The following THSD7B variants were observed in gnomAD, a reference collection of about 807,000 sequenced individuals.
THSD7B encodes the protein thrombospondin type 1 domain containing 7B, also known as thrombospondin type-1 domain-containing protein 7B.
THSD7B carries 138 observed loss-of-function variants against 213.6 expected under a neutral mutation model. That is an observed-to-expected ratio of 0.65 (90% CI 0.56 to 0.74). The LOEUF (loss-of-function observed/expected upper bound fraction) is 0.74. Ranked by LOEUF, THSD7B falls within the 30% of genes least tolerant of loss-of-function variation. THSD7B has a pLI of 0.00. For missense variants in THSD7B, 1,931 were observed against 1,991.5 expected (o/e 0.97, Z 0.58); for synonymous variants, 742 against 687.0 (o/e 1.08, Z -1.25).
At chr2:137,407,124 C>T (rs1242765205) in intron 13 of THSD7B, among the ~76,000 whole-genome samples, 3 of 152,046 alleles carry the variant, frequency 2.0e-5, no homozygotes, top group African/African-American at 7.2e-5. Context: ...TTTACACCTA[C>T]ATAATGAAAA....
chr2:137,212,934 G>T (rs1192817607), intron 7 of THSD7B, among the ~76,000 whole-genome samples: 1 of 149,184 alleles, frequency 6.7e-6, no homozygotes, highest in Non-Finnish European at 1.5e-5. Flanking sequence ...CTGGATAAAA[G>T]TTCAAGGACA....
intron 4 of THSD7B, among the ~76,000 whole-genome samples, chr2:137,111,949 C>CAGAGTTGGG: frequency 6.6e-6 from 1 of 152,098 alleles, no homozygotes; most frequent in Non-Finnish European, 1.5e-5. Context: ...TGAAAGGCAT[C>CAGAGTTGGG]AGAGTTGGGA....
intron 17 of THSD7B, among the ~76,000 whole-genome samples, chr2:137,614,263 T>C (rs1682341208): frequency 6.6e-6 from 1 of 152,218 alleles, no homozygotes; most frequent in South Asian, 2.1e-4. Context: ...TTCTTAAATC[T>C]TATCAAATTT....
chr2:137,380,182 T>C (rs1163469075), intron 12 of THSD7B, among the ~76,000 whole-genome samples: 1 of 150,734 alleles, frequency 6.6e-6, no homozygotes, highest in Non-Finnish European at 1.5e-5. Flanking sequence ...GAGGCCAAGG[T>C]GAGAGGATCA....
At chr2:137,043,998 T>C (rs1359374130) in intron 2 of THSD7B, among the ~76,000 whole-genome samples, 8 of 152,132 alleles carry the variant, frequency 5.3e-5, no homozygotes, top group Admixed American at 5.2e-4. Flanking sequence ...CACGCTCCTC[T>C]AGGGTGTGAG....
intron 2 of THSD7B, among the ~76,000 whole-genome samples, chr2:136,943,377 G>C (rs1056073946): frequency 1.3e-5 from 2 of 152,162 alleles, no homozygotes; most frequent in African/African-American, 4.8e-5. Flanking sequence ...TTTGGTATCA[G>C]GATGATGGCT....
intron 12 of THSD7B, among the ~76,000 whole-genome samples, chr2:137,366,393 T>TA (rs202117248): frequency 1.5e-3 from 208 of 142,608 alleles, no homozygotes; most frequent in African/African-American, 4.5e-3. Context: ...AGTATAATAA[T>TA]AAAAAAAAAA....
chr2:137,410,478 A>G (rs113291859), intron 13 of THSD7B, among the ~76,000 whole-genome samples: 8 of 152,230 alleles, frequency 5.3e-5, no homozygotes, highest in East Asian at 3.9e-4. Flanking sequence ...TATGTTGGCC[A>G]GTCTGGTCTC....
chr2:137,075,453 T>C (rs1419146804), intron 3 of THSD7B, among the ~76,000 whole-genome samples: 4 of 152,214 alleles, frequency 2.6e-5, no homozygotes, highest in Non-Finnish European at 2.9e-5. Context: ...CTTTAAGGAC[T>C]TCTCTGCATT....
chr2:137,273,109 C>T (rs1339015422), intron 11 of THSD7B, among the ~76,000 whole-genome samples: 2 of 150,970 alleles, frequency 1.3e-5, no homozygotes, highest in African/African-American at 4.9e-5. Context: ...CTCATCCTAA[C>T]ATCTTTAATC....
chr2:137,163,285 C>T (rs1412646610), intron 6 of THSD7B, among the ~76,000 whole-genome samples: 1 of 152,180 alleles, frequency 6.6e-6, no homozygotes, highest in Non-Finnish European at 1.5e-5. Flanking sequence ...GTTCAAATCC[C>T]AACCCCTGGT....
At chr2:136,975,345 C>A (rs1176265546) in intron 2 of THSD7B, among the ~76,000 whole-genome samples, 2 of 152,046 alleles carry the variant, frequency 1.3e-5, no homozygotes, top group East Asian at 3.9e-4. Flanking sequence ...ACATTTAAGT[C>A]TTTACTTAAT....
At chr2:137,417,414 G>C (rs1043721569) in intron 14 of THSD7B, among the ~76,000 whole-genome samples, 8 of 151,804 alleles carry the variant, frequency 5.3e-5, no homozygotes, top group Non-Finnish European at 1.2e-4. Flanking sequence ...CCAGGTCTAG[G>C]TTCAAAATTA....
At chr2:136,997,384 T>G (rs2104821464) in intron 2 of THSD7B, among the ~76,000 whole-genome samples, 1 of 152,328 alleles carries the variant, frequency 6.6e-6, no homozygotes, top group Admixed American at 6.5e-5. Flanking sequence ...TCATTGGGGA[T>G]TAAAGAATAA....
At chr2:136,912,859 A>G (rs1436153805) in intron 2 of THSD7B, among the ~76,000 whole-genome samples, 1 of 152,180 alleles carries the variant, frequency 6.6e-6, no homozygotes, top group East Asian at 1.9e-4. Flanking sequence ...AGTCTCAGAT[A>G]TGTCTTTACC....
chr2:136,875,461 G>A (rs184351492), intron 1 of THSD7B, among the ~76,000 whole-genome samples: 1 of 150,076 alleles, frequency 6.7e-6, no homozygotes, highest in East Asian at 2.0e-4. Flanking sequence ...TGCACTTTCC[G>A]TCAGCTCAGT....
chr2:137,319,407 T>C (rs1009071047), intron 12 of THSD7B, among the ~76,000 whole-genome samples: 1 of 152,208 alleles, frequency 6.6e-6, no homozygotes, highest in African/African-American at 2.4e-5. Flanking sequence ...TTCAAGACTC[T>C]TATTACTATC....
chr2:137,476,026 T>A (rs6745685), intron 15 of THSD7B, among the ~76,000 whole-genome samples: 145,589 of 152,200 alleles, frequency 0.96, 69,903 homozygotes, highest in East Asian at 1. Flanking sequence ...GAGGAGGATG[T>A]TACTGTACTT....
chr2:137,101,819 G>A (rs999173767), intron 4 of THSD7B, among the ~76,000 whole-genome samples: 9 of 152,214 alleles, frequency 5.9e-5, no homozygotes, highest in African/African-American at 2.2e-4. Context: ...CAAAGCTGCT[G>A]TAGCCAGACT....
Sources: allele counts gnomAD v4.1 joint callset (sites outside exome capture counted in the v4.1 genomes callset), GRCh38; gene constraint gnomAD v4.1.1; transcripts MANE v1.5; gene names NCBI Gene and HGNC (gene_info 2026-07-23, HGNC 2026-07-21).